The following MBD5 variants were observed in gnomAD, a reference collection of about 807,000 sequenced individuals.
The protein encoded by MBD5 is methyl-CpG-binding domain protein 5.
Under a neutral mutation model 117.3 loss-of-function variants are expected in MBD5, and 13 were observed. The observed-to-expected ratio is 0.11, with a 90% CI of 0.07 to 0.18. The LOEUF is 0.18. Ranked by LOEUF, MBD5 falls within the 10% of genes least tolerant of loss-of-function variation. The pLI is 1.00. For synonymous variants in MBD5, 727 were observed against 766.4 expected (o/e 0.95, Z 0.85); for missense variants, 1,879 against 2,093.8 (o/e 0.90, Z 2.00).
At chr2:148,201,200 C>T (rs1699131458) in intron 2 of MBD5, among the ~76,000 whole-genome samples, 1 of 152,160 alleles carries the variant, frequency 6.6e-6, no homozygotes, top group Admixed American at 6.5e-5. Flanking sequence ...TGCTCAGTCC[C>T]TGGCAGGAGG....
chr2:148,256,374 G>C (rs72856350), intron 3 of MBD5, among the ~76,000 whole-genome samples: 3 of 152,342 alleles, frequency 2.0e-5, no homozygotes, highest in Admixed American at 2.0e-4. Context: ...ATTGCCGGGG[G>C]TGGCCAAAGG....
chr2:148,455,640 G>A (rs1706857030), intron 4 of MBD5, among the ~76,000 whole-genome samples: 1 of 151,998 alleles, frequency 6.6e-6, no homozygotes, highest in Admixed American at 6.6e-5. Flanking sequence ...TTACTGAAAT[G>A]TGAGGGAAGC....
chr2:148,078,925 T>C (rs1695574344), intron 1 of MBD5, among the ~76,000 whole-genome samples: 1 of 152,188 alleles, frequency 6.6e-6, no homozygotes, highest in African/African-American at 2.4e-5. Context: ...AATTGCCCCA[T>C]TGTTCATGGA....
intron 1 of MBD5, among the ~76,000 whole-genome samples, chr2:148,143,721 C>G (rs551023558): frequency 6.6e-6 from 1 of 152,078 alleles, no homozygotes; most frequent in Non-Finnish European, 1.5e-5. Context: ...TCTGTCCTTG[C>G]GACAGTTTGC....
intron 1 of MBD5, among the ~76,000 whole-genome samples, chr2:148,127,758 T>C (rs191358596): frequency 3.0e-4 from 46 of 152,294 alleles, no homozygotes; most frequent in Admixed American, 2.6e-3. Flanking sequence ...AGTAATGGGA[T>C]TCCTGGGTCA....
At chr2:148,104,454 G>A (rs1435500393) in intron 1 of MBD5, among the ~76,000 whole-genome samples, 1 of 152,080 alleles carries the variant, frequency 6.6e-6, no homozygotes, top group Non-Finnish European at 1.5e-5. Context: ...GTCCCAACCT[G>A]CAATATTATT....
At chr2:148,332,897 G>A (rs967958686) in intron 3 of MBD5, among the ~76,000 whole-genome samples, 6 of 151,710 alleles carry the variant, frequency 4.0e-5, no homozygotes, top group African/African-American at 1.5e-4. Flanking sequence ...CTCTCCTTCT[G>A]TTATTTGGAT....
In MBD5 at chr2:148,513,087, T is replaced by C. The variant is rs1682266850; in HGVS notation, c.*146T>C. 2.4e-6 allele frequency: 2 copies of C among 818,252 alleles called. No homozygotes were observed. Among genetic ancestry groups the C allele is most frequent in the East Asian group, 5.4e-5 (2 of 37,158 alleles). 50.7% of individuals were successfully genotyped at this position (818,252 alleles called of 1,614,324 possible). A position where few individuals can be genotyped will look rare whatever the true frequency, so the allele number is the denominator to read the frequency against. On this transcript the variant is annotated 3_prime_UTR_variant, in exon 14 of 14. Coordinates refer to ENST00000642680, the MANE Select transcript of MBD5 (RefSeq NM_001378120.1). ...CACCACAGGGTGCTAAAAGAAACAGTGATACAAAATTTTTTTGATCAGGAA... is the reference window on the plus strand; with the variant it reads ...CACCACAGGGTGCTAAAAGAAACAGCGATACAAAATTTTTTTGATCAGGAA...
intron 8 of MBD5, 62 bp from the exon 9 acceptor site, chr2:148,483,048 T>C: frequency 1.3e-6 from 2 of 1,559,526 alleles, no homozygotes; most frequent in East Asian, 2.2e-5. Flanking sequence ...TTTTTATGCC[T>C]AGTCTCACAT....
At chr2:148,231,939 A>G (rs1699997884) in intron 2 of MBD5, among the ~76,000 whole-genome samples, 1 of 152,174 alleles carries the variant, frequency 6.6e-6, no homozygotes, top group Non-Finnish European at 1.5e-5. Flanking sequence ...TGAAGAGGGT[A>G]AAAGTTGGAG....
At chr2:148,384,716 A>T (rs1374662518) in intron 4 of MBD5, among the ~76,000 whole-genome samples, 1 of 152,066 alleles carries the variant, frequency 6.6e-6, no homozygotes, top group African/African-American at 2.4e-5. Context: ...AAACTATATT[A>T]CAAGGCTACA....
intron 4 of MBD5, among the ~76,000 whole-genome samples, chr2:148,342,686 A>C (rs1702978671): frequency 6.6e-6 from 1 of 151,966 alleles, no homozygotes; most frequent in South Asian, 2.1e-4. Flanking sequence ...ATGACTAGAC[A>C]CCATAGGGCT....
intron 1 of MBD5, among the ~76,000 whole-genome samples, chr2:148,045,301 A>G (rs1396730870): frequency 6.6e-6 from 1 of 152,210 alleles, no homozygotes; most frequent in African/African-American, 2.4e-5. Flanking sequence ...AGGTTACATG[A>G]CTAGTAAATT....
At chr2:148,157,783 C>A (rs1697910233) in intron 1 of MBD5, among the ~76,000 whole-genome samples, 1 of 152,132 alleles carries the variant, frequency 6.6e-6, no homozygotes, top group Non-Finnish European at 1.5e-5. Context: ...AGTAAGTGTG[C>A]TATGAAATGG....
chr2:148,416,192 T>C (rs946706050), intron 4 of MBD5, among the ~76,000 whole-genome samples: 1 of 152,200 alleles, frequency 6.6e-6, no homozygotes, highest in Non-Finnish European at 1.5e-5. Flanking sequence ...GTGGGTTCAG[T>C]TGATTGGCTT....
chr2:148,292,053 C>G (rs1343403019), intron 3 of MBD5, among the ~76,000 whole-genome samples: 1 of 152,196 alleles, frequency 6.6e-6, no homozygotes, highest in Non-Finnish European at 1.5e-5. Flanking sequence ...TCACCATAAA[C>G]AAAAACCAAA....
chr2:148,247,238 A>G (rs1355847852), intron 3 of MBD5, among the ~76,000 whole-genome samples: 1 of 152,228 alleles, frequency 6.6e-6, no homozygotes, highest in Non-Finnish European at 1.5e-5. Context: ...ATTTTGCAGC[A>G]GATTTTCTTG....
intron 4 of MBD5, among the ~76,000 whole-genome samples, chr2:148,401,138 A>T (rs918012228): frequency 6.6e-6 from 1 of 152,182 alleles, no homozygotes; most frequent in East Asian, 1.9e-4. Flanking sequence ...AGCATTTTTC[A>T]TATCTGCCAA....
intron 3 of MBD5, among the ~76,000 whole-genome samples, chr2:148,310,211 G>T (rs1701996328): frequency 6.6e-6 from 1 of 152,174 alleles, no homozygotes; most frequent in Non-Finnish European, 1.5e-5. Context: ...AATAGTTTCA[G>T]AAGGAATGGT....
Sources: allele counts gnomAD v4.1 joint callset (sites outside exome capture counted in the v4.1 genomes callset), GRCh38; gene constraint gnomAD v4.1.1; transcripts MANE v1.5; gene names NCBI Gene and HGNC (gene_info 2026-07-23, HGNC 2026-07-21).